SUCLA2: variants seen among roughly 807,000 people sequenced by gnomAD.
SUCLA2 encodes the protein succinate--CoA ligase [ADP-forming] subunit beta, mitochondrial.
Under a neutral mutation model 54.8 loss-of-function variants are expected in SUCLA2, and 30 were observed. The observed-to-expected ratio is 0.55, with a 90% CI of 0.41 to 0.74. The LOEUF is 0.74. SUCLA2 is among the 30% of genes least tolerant of loss of function. SUCLA2 has a pLI of 0.00. For synonymous variants in SUCLA2, 172 were observed against 188.9 expected (o/e 0.91, Z 0.74); for missense variants, 476 against 562.9 (o/e 0.85, Z 1.56).
rs750544344 is a variant in SUCLA2, at chr13:47,994,797, T to G, written c.271+2046A>C. 67 of 984,674 alleles carry G rather than the reference T, an allele frequency of 6.8e-5. 1 individual carries two copies. The highest frequency in any genetic ancestry group is 1.8e-4 in the Admixed American group (3 of 16,262). The allele number at this position is 984,674 out of a possible 1,614,324, so 61.0% of individuals were successfully genotyped here. On this transcript the variant is annotated intron_variant, in intron 2 of 10. Coordinates refer to ENST00000646932, the MANE Select transcript of SUCLA2 (RefSeq NM_003850.3). ...CAAGGGGCTCAAAATCAGAGCTGCCTACCTGCTTCTTATTACTTGTGAGTT... is the reference window on the plus strand; with the variant it reads ...CAAGGGGCTCAAAATCAGAGCTGCCGACCTGCTTCTTATTACTTGTGAGTT...
intron 2 of SUCLA2, among the ~76,000 whole-genome samples, chr13:47,990,614 T>G (rs1395470486): frequency 6.6e-6 from 1 of 152,118 alleles, no homozygotes; most frequent in East Asian, 1.9e-4. Flanking sequence ...AGATCAGGGC[T>G]AAAGGTCTCA....
chr13:47,949,606 A>G lies in SUCLA2; in HGVS notation c.1108-3T>C. The G allele has an allele frequency of 6.2e-7, 1 of 1,613,262 alleles. No individual in the cohort carries two copies. The highest frequency in any genetic ancestry group is 8.5e-7 in the Non-Finnish European group (1 of 1,179,380). On this transcript the variant is annotated splice_region_variant and splice_polypyrimidine_tract_variant and intron_variant, in intron 8 of 10. Transcript: ENST00000646932. ...ATGTTGACCAGAATAGCCAGTACCTATGAATAAAGTGTTCTGATAGATTAA... is the reference window on the plus strand; with the variant it reads ...ATGTTGACCAGAATAGCCAGTACCTGTGAATAAAGTGTTCTGATAGATTAA...
chr13:47,954,539 T>A lies in SUCLA2; in HGVS notation c.821A>T (p.Lys274Met). Residue 274 changes from lysine (K) to methionine (M), a missense_variant, in exon 7 of 11, where the codon AAG becomes ATG. Physicochemically the swap from Lys to Met is moderately conservative, Grantham distance 95. Around this residue, in one of 2 missense-constraint regions of SUCLA2, gnomAD observed 342 missense variants for 444.2 expected, o/e 0.77. Transcript: ENST00000646932. Reference protein sequence around the residue: ...SDGAVLCMDAKINFDSNSAYR... With the variant: ...SDGAVLCMDAMINFDSNSAYR... ...GGCTGAATTAGAGTCAAAATTGATCTTTGCATCCATACACAATACTTTGAA... is the reference window on the plus strand; with the variant it reads ...GGCTGAATTAGAGTCAAAATTGATCATTGCATCCATACACAATACTTTGAA... 8 of 1,613,782 alleles carry A rather than the reference T, an allele frequency of 5.0e-6. No individual in the cohort carries two copies. The highest frequency in any genetic ancestry group is 5.9e-6 in the Non-Finnish European group (7 of 1,179,788).
chr13:47,970,100 TC>T (rs1397403314), intron 5 of SUCLA2, among the ~76,000 whole-genome samples: 2 of 81,634 alleles, frequency 2.4e-5, no homozygotes, highest in South Asian at 2.9e-4. Context: ...AGACTCTGTC[TC>T]CCCCCCACAA....
chr13:47,949,675 A>AT, intron 8 of SUCLA2, 72 bp from the exon 9 acceptor site: 1 of 1,456,562 alleles, frequency 6.9e-7, no homozygotes, highest in Non-Finnish European at 9.6e-7. Flanking sequence ...AAATACTAGT[A>AT]TATGTGCTTC....
chr13:47,949,433 G>A (rs1949759493), intron 9 of SUCLA2, 50 bp downstream of exon 9: 6 of 1,605,648 alleles, frequency 3.7e-6, no homozygotes, highest in Middle Eastern at 3.3e-4. Context: ...CCATGGAAAT[G>A]TGAACTTTTA....
At chr13:47,965,312 G>A (rs1949908198) in intron 6 of SUCLA2, among the ~76,000 whole-genome samples, 1 of 151,386 alleles carries the variant, frequency 6.6e-6, no homozygotes, top group East Asian at 1.9e-4. Flanking sequence ...ACTCTATAAT[G>A]AAAAAAGCTT....
rs547134477 is a variant in SUCLA2, at chr13:47,991,216, T to C, written c.272-2235A>G. On this transcript the variant is annotated intron_variant, in intron 2 of 10. Transcript: ENST00000646932. ...TGAATGCCAGTCTCACTCAGTTAAATGCCAAAGTGCTTACAATGGCCTAGA... is the reference window on the plus strand; with the variant it reads ...TGAATGCCAGTCTCACTCAGTTAAACGCCAAAGTGCTTACAATGGCCTAGA... Among the ~76,000 whole-genome samples the C allele has an allele frequency of 3.5e-4, 54 of 152,336 alleles. 1 individual carries two copies. The highest frequency in any genetic ancestry group is 6.5e-5 in the Admixed American group (1 of 15,308).
chr13:47,987,096 T>G (rs992923712), intron 4 of SUCLA2, among the ~76,000 whole-genome samples: 1 of 152,230 alleles, frequency 6.6e-6, no homozygotes, highest in African/African-American at 2.4e-5. Flanking sequence ...GTATTATTAG[T>G]AAGCAAGTAT....
intron 1 of SUCLA2, among the ~76,000 whole-genome samples, chr13:47,997,261 T>A (rs1950198599): frequency 6.7e-6 from 1 of 149,636 alleles, no homozygotes; most frequent in Non-Finnish European, 1.5e-5. Context: ...ATTTCAGCTT[T>A]ACTATCATAT....
intron 6 of SUCLA2, among the ~76,000 whole-genome samples, chr13:47,957,285 C>A (rs1030281773): frequency 2.0e-5 from 3 of 152,224 alleles, no homozygotes; most frequent in South Asian, 2.1e-4. Context: ...TTAAAGCCTT[C>A]TTCCTTGGCA....
chr13:47,956,086 C>G (rs377659268), intron 6 of SUCLA2, among the ~76,000 whole-genome samples: 7 of 151,790 alleles, frequency 4.6e-5, no homozygotes, highest in African/African-American at 1.7e-4. Context: ...AGAGAAGAAA[C>G]AGTCAACTGA....
chr13:47,948,052 C>A (rs1279885183), intron 10 of SUCLA2, among the ~76,000 whole-genome samples: 1 of 152,038 alleles, frequency 6.6e-6, no homozygotes, highest in Admixed American at 6.6e-5. Flanking sequence ...ATACCATTAC[C>A]CCACCTAAAA....
chr13:47,950,899 C>T (rs552140112), intron 8 of SUCLA2, among the ~76,000 whole-genome samples: 1 of 152,262 alleles, frequency 6.6e-6, no homozygotes, highest in African/African-American at 2.4e-5. Flanking sequence ...AGGGGTGAGA[C>T]ACACTGAGCT....
At chr13:47,987,223 T>C (rs370765664) in intron 4 of SUCLA2, among the ~76,000 whole-genome samples, 1 of 152,178 alleles carries the variant, frequency 6.6e-6, no homozygotes, top group East Asian at 1.9e-4. Flanking sequence ...TCTTTAATAA[T>C]ACATATTCAG....
At chr13:47,967,848 CA>C (rs11349393) in intron 6 of SUCLA2, among the ~76,000 whole-genome samples, 77,801 of 96,170 alleles carry the variant, frequency 0.81, 30,674 homozygotes, top group East Asian at 0.92. Context: ...GACTCAGTCT[CA>C]AAAAAAAAAA....
At chr13:47,974,615 G>A (rs1949993818) in intron 4 of SUCLA2, among the ~76,000 whole-genome samples, 1 of 151,970 alleles carries the variant, frequency 6.6e-6, no homozygotes, top group South Asian at 2.1e-4. Flanking sequence ...ATAAATAAAA[G>A]AGAGAGCTAA....
At chr13:47,965,996 C>T (rs998825748) in intron 6 of SUCLA2, among the ~76,000 whole-genome samples, 1 of 152,048 alleles carries the variant, frequency 6.6e-6, no homozygotes, top group Non-Finnish European at 1.5e-5. Context: ...TGCAGTCAGC[C>T]GAGATTGCAC....
At chr13:47,966,083 G>A (rs9526423) in intron 6 of SUCLA2, among the ~76,000 whole-genome samples, 110,862 of 152,066 alleles carry the variant, frequency 0.73, 41,366 homozygotes, top group Non-Finnish European at 0.81. Context: ...TTAGACACTA[G>A]AAGAACAATG....
Sources: gnomAD v4.1 joint callset for allele counts (sites outside exome capture counted in the v4.1 genomes callset) on GRCh38, gnomAD v4.1.1 for gene constraint, gnomAD v4.1.1 regional missense constraint, MANE v1.5 for transcripts, NCBI Gene and HGNC (gene_info 2026-07-23, HGNC 2026-07-21) for gene names.